The following SOD2 variants were observed in gnomAD, a reference collection of about 807,000 sequenced individuals.
The protein encoded by SOD2 is superoxide dismutase [Mn], mitochondrial.
In SOD2, 11 loss-of-function variants were observed where a neutral mutation model predicts 27.0. The observed-to-expected ratio is 0.41, with a 90% CI of 0.26 to 0.67. SOD2 has a LOEUF of 0.67. Among genes scored for constraint, SOD2 ranks in the 30% least tolerant of loss-of-function variants. The pLI, the probability that SOD2 is intolerant of heterozygous loss-of-function variation, is 0.34. For missense variants in SOD2, 250 were observed against 274.5 expected (o/e 0.91, Z 0.63); for synonymous variants, 105 against 103.0 (o/e 1.02, Z -0.12).
chr6:159,761,585 C>G (rs2273818), exon 1 of SOD2: 1 of 455,526 alleles, frequency 2.2e-6, no homozygotes, highest in Non-Finnish European at 4.4e-6. Flanking sequence ...TGAGACCCGC[C>G]GCGGGCCGGG....
intron 1 of SOD2, among the ~76,000 whole-genome samples, chr6:159,719,531 C>G (rs938914114): frequency 6.7e-6 from 1 of 149,170 alleles, no homozygotes; most frequent in Non-Finnish European, 1.5e-5. Context: ...GAGGCTGAGA[C>G]AGGAGGATCA....
At chr6:159,748,135 C>T, upstream of SOD2, 1 of 1,534,606 alleles carries the variant, frequency 6.5e-7, no homozygotes, top group Non-Finnish European at 8.8e-7. This position sits in a 1 kb window ranked among gnomAD's most constrained non-coding sequence, Gnocchi z 5.6. Context: ...TTTTCCCCAC[C>T]TTCTTATGTA....
chr6:159,692,725 G>C lies in SOD2; in HGVS notation c.162C>G (p.His54Gln). Residue 54 changes from histidine to glutamine, a missense_variant, in exon 2 of 5, where the codon CAC becomes CAG. His to Gln is a conservative substitution (Grantham distance 24, BLOSUM62 0). Coordinates refer to ENST00000538183, the MANE Select transcript of SOD2 (RefSeq NM_000636.4). ...AQIMQLHHSK[H>Q]HAAYVNNLNV... ...TCAGGTTGTTCACGTAGGCCGCGTG[G>C]TGCTTGCTGTGGTGCAGCTGCATGA... 2 of 1,614,164 alleles carry C rather than the reference G, an allele frequency of 1.2e-6. No individual in the cohort carries two copies. Among genetic ancestry groups the C allele is most frequent in the Non-Finnish European group, 1.7e-6 (2 of 1,180,032 alleles).
rs1457124714 is a variant in SOD2 at position 159,692,673 on chromosome 6, C to T, written c.214G>A (p.Ala72Thr). 9 of 1,613,988 alleles carry T rather than the reference C, an allele frequency of 5.6e-6. 1 individual carries two copies. The highest frequency in any genetic ancestry group is 4.5e-5 in the East Asian group (2 of 44,842). The change falls in exon 2 of 5, where the codon GCG (alanine) becomes ACG (threonine). Residue 72 changes from alanine (A) to threonine (T), a missense_variant. By Grantham distance (58) the Ala-to-Thr change is moderately conservative. Coordinates refer to ENST00000538183, the MANE Select transcript of SOD2 (RefSeq NM_000636.4). ...LNVTEEKYQEALAKGDVTAQI... is the reference protein window; with the variant it reads ...LNVTEEKYQETLAKGDVTAQI... ...GCCTGGAACCTACCCTTGGCCAACG[C>T]CTCCTGGTACTTCTCCTCGGTGACG...
chr6:159,702,676 A>AAAAAG (rs1554260556), intron 1 of SOD2, among the ~76,000 whole-genome samples: 93 of 143,076 alleles, frequency 6.5e-4, no homozygotes, highest in Admixed American at 4.2e-3. Context: ...AAAAAAAAAA[A>AAAAAG]AAAGAAAGAA....
upstream of SOD2, among the ~76,000 whole-genome samples, chr6:159,728,237 C>T (rs567683080): frequency 2.6e-5 from 4 of 152,304 alleles, no homozygotes; most frequent in South Asian, 8.3e-4. Flanking sequence ...AAATCCAAGT[C>T]TTACCTTGGA....
chr6:159,697,968 C>A (rs939463819), upstream of SOD2, among the ~76,000 whole-genome samples: 1 of 152,032 alleles, frequency 6.6e-6, no homozygotes, highest in Non-Finnish European at 1.5e-5. Flanking sequence ...GGTGAAACCC[C>A]ATCTCTACTA....
chr6:159,736,963 G>A (rs1220719944), intron 1 of SOD2, among the ~76,000 whole-genome samples: 1 of 152,204 alleles, frequency 6.6e-6, no homozygotes, highest in Non-Finnish European at 1.5e-5. Flanking sequence ...GTTTCCTATT[G>A]TGGAGTCAGA....
chr6:159,759,301 T>C (rs1015512814), intron 1 of SOD2, among the ~76,000 whole-genome samples: 1 of 149,338 alleles, frequency 6.7e-6, no homozygotes, highest in African/African-American at 2.4e-5. Flanking sequence ...TCAGGTGATC[T>C]GCCCGCCTCG....
intron 1 of SOD2, among the ~76,000 whole-genome samples, chr6:159,699,885 A>C (rs1404433206): frequency 6.6e-6 from 1 of 152,156 alleles, no homozygotes; most frequent in African/African-American, 2.4e-5. Context: ...ACCCAGGTCC[A>C]TGCCAGATTG....
intron 1 of SOD2, among the ~76,000 whole-genome samples, chr6:159,706,010 C>T (rs1206135318): frequency 6.6e-6 from 1 of 152,130 alleles, no homozygotes; most frequent in Non-Finnish European, 1.5e-5. Context: ...TCATATCCAG[C>T]CAAACTAAGC....
chr6:159,741,893 C>A (rs964961811), intron 1 of SOD2: 28 of 469,952 alleles, frequency 6.0e-5, no homozygotes, highest in Non-Finnish European at 3.8e-6. Flanking sequence ...CGCTTGAGCC[C>A]AGACCCTGTT....
chr6:159,689,748 TC>T (rs1467820211), intron 2 of SOD2, among the ~76,000 whole-genome samples: 1 of 151,686 alleles, frequency 6.6e-6, no homozygotes, highest in African/African-American at 2.4e-5. Context: ...TCTCTTCAGG[TC>T]AGGATTTCAA....
chr6:159,693,008 C>A, intron 1 of SOD2, 137 bp downstream of exon 1: 1 of 1,368,596 alleles, frequency 7.3e-7, no homozygotes, highest in East Asian at 2.8e-5. Context: ...CCGCGCCGGG[C>A]ACTCCCGGGA....
intron 1 of SOD2, chr6:159,713,942 T>A: frequency 1.2e-6 from 1 of 857,356 alleles, no homozygotes; most frequent in Non-Finnish European, 1.9e-6. Flanking sequence ...GGATAGGCCC[T>A]GGACCTTCAC....
chr6:159,753,525 G>A, intron 1 of SOD2: 1 of 1,614,194 alleles, frequency 6.2e-7, no homozygotes, highest in Non-Finnish European at 8.5e-7. Context: ...GAGCTTGGAA[G>A]GCAGCTGTCC....
chr6:159,743,265 T>C (rs1257354454), intron 1 of SOD2, among the ~76,000 whole-genome samples: 2 of 152,238 alleles, frequency 1.3e-5, no homozygotes. Context: ...TAGGCTGGTC[T>C]GAAACTCCTG....
intron 1 of SOD2, among the ~76,000 whole-genome samples, chr6:159,701,432 G>C (rs147467985): frequency 6.6e-6 from 1 of 152,094 alleles, no homozygotes; most frequent in East Asian, 1.9e-4. Context: ...CAAGCTGGGC[G>C]TGATAGCACA....
chr6:159,706,370 C>T (rs951336265), intron 1 of SOD2, among the ~76,000 whole-genome samples: 23 of 152,130 alleles, frequency 1.5e-4, no homozygotes, highest in African/African-American at 5.3e-4. Context: ...ATTCAGGAAA[C>T]CCATCTCACA....
Sources: gnomAD v4.1 joint callset for allele counts (sites outside exome capture counted in the v4.1 genomes callset) on GRCh38, gnomAD v4.1.1 for gene constraint, Gnocchi (gnomAD v3.1) non-coding constraint, MANE v1.5 for transcripts, NCBI Gene and HGNC (gene_info 2026-07-23, HGNC 2026-07-21) for gene names.